BCAN: variants seen among roughly 807,000 people sequenced by gnomAD.
The protein encoded by BCAN is brevican core protein.
BCAN carries 51 observed loss-of-function variants against 92.4 expected under a neutral mutation model. That is an observed-to-expected ratio of 0.55 (90% CI 0.44 to 0.70). BCAN has a LOEUF of 0.70. Ranked by LOEUF, BCAN falls within the 30% of genes least tolerant of loss-of-function variation. The pLI is 0.00. For missense variants in BCAN, 1,140 were observed against 1,212.1 expected (o/e 0.94, Z 0.88); for synonymous variants, 501 against 505.2 (o/e 0.99, Z 0.11).
intron 2 of BCAN, 78 bp from the exon 3 acceptor site, chr1:156,646,723 G>C: frequency 1.3e-6 from 2 of 1,498,724 alleles, no homozygotes; most frequent in South Asian, 2.7e-5. Context: ...AGGGATCCTG[G>C]AGCGGGGCTT....
At chr1:156,648,976 T>G (rs4661209) in intron 6 of BCAN, 115 bp downstream of exon 6, 602,733 of 1,242,894 alleles carry the variant, frequency 0.48, 152,685 homozygotes, top group African/African-American at 0.83. Context: ...TTGCCTGAAG[T>G]GGTCGTGGGT....
At position 156,658,173 on chromosome 1, in the gene BCAN, C is replaced by G; in HGVS notation, c.2339C>G (p.Ser780Cys). The G allele has an allele frequency of 6.2e-7, 1 of 1,614,114 alleles. No homozygotes were observed. Among genetic ancestry groups the G allele is most frequent in the Non-Finnish European group, 8.5e-7 (1 of 1,180,008 alleles). ...GGGCAGCCTGACAGCTACTTCCTGT[C>G]TGGAGAGAACTGCGTGGTCATGGTG... ...NPGQPDSYFL[S>C]GENCVVMVWH... Residue 780 changes from serine to cysteine, a missense_variant, in exon 12 of 14, where the codon TCT becomes TGT. By Grantham distance (112) the Ser-to-Cys change is moderately radical. Coordinates refer to ENST00000329117, the MANE Select transcript of BCAN (RefSeq NM_021948.5). This position sits in a 1 kb window ranked among gnomAD's most constrained non-coding sequence, Gnocchi z 4.4.
intron 1 of BCAN, among the ~76,000 whole-genome samples, chr1:156,645,040 T>A (rs1678914009): frequency 6.6e-6 from 1 of 152,216 alleles, no homozygotes; most frequent in Non-Finnish European, 1.5e-5. Context: ...TGAGCCTCAG[T>A]CTCCATTTCT....
Position 156,652,924 on chromosome 1 carries a change from T to C in BCAN, c.1942+32T>C, listed in dbSNP as rs769116735. 8.7e-6 allele frequency: 14 copies of C among 1,609,388 alleles called. No individual in the cohort carries two copies. The Admixed American group carries it at 2.3e-4, about 27-fold the overall frequency. Reference sequence around the variant, plus strand: ...CTGCCCAAGGCTCAACTGCCCTCTCTATCCTACTCCTTTTCTTCCCCCTGC... The same window carrying C: ...CTGCCCAAGGCTCAACTGCCCTCTCCATCCTACTCCTTTTCTTCCCCCTGC... On this transcript the variant is annotated intron_variant, in intron 8 of 13. Coordinates refer to ENST00000329117, the MANE Select transcript of BCAN (RefSeq NM_021948.5).
At chr1:156,656,813 C>A (rs1308989459) in intron 9 of BCAN, 125 bp from the exon 10 acceptor site, 2 of 1,334,712 alleles carry the variant, frequency 1.5e-6, no homozygotes, top group East Asian at 2.5e-5. Flanking sequence ...TCTTTTGCAC[C>A]GCCCTCCTGT....
rs1198916516 is a variant in BCAN at position 156,652,625 on chromosome 1, C to T, written c.1675C>T (p.Leu559=). The change falls in exon 8 of 14, where the codon CTG becomes TTG. Residue 559 remains leucine, a synonymous_variant. Coordinates refer to ENST00000329117, the MANE Select transcript of BCAN (RefSeq NM_021948.5). Reference sequence around the variant, plus strand: ...CCTAGCATCCCCATCACCTTCCACTCTGGTTGAGGCAAGAGAGGTGGGGGA... The same window carrying T: ...CCTAGCATCCCCATCACCTTCCACTTTGGTTGAGGCAAGAGAGGTGGGGGA... ...RNLASPSPST[L]VEAREVGEAT... 1 of 1,613,858 alleles carries T rather than the reference C, an allele frequency of 6.2e-7. No homozygotes were observed. Among genetic ancestry groups the T allele is most frequent in the African/African-American group, 1.3e-5 (1 of 74,936 alleles).
At position 156,648,587 on chromosome 1, in the gene BCAN, C is replaced by A; in HGVS notation, c.789C>A (p.Asp263Glu). The A allele has an allele frequency of 1.3e-6, 2 of 1,595,900 alleles. No individual in the cohort carries two copies. The highest frequency in any genetic ancestry group is 8.6e-7 in the Non-Finnish European group (1 of 1,165,210). ...ACCCAGGAGAACTGTTCCTGGGTGA[C>A]CCTCCAGAGAAGCTGACATTGGAGG... ...EDLNGELFLG[D>E]PPEKLTLEEA... Residue 263 changes from aspartate (D) to glutamate (E), a missense_variant, in exon 6 of 14, where the codon GAC becomes GAA. By Grantham distance (45) the Asp-to-Glu change is conservative. Around this residue, in one of 3 missense-constraint regions of BCAN, gnomAD observed 825 missense variants for 871.8 expected, o/e 0.95. Transcript: ENST00000329117.
chr1:156,645,002 G>C (rs1173464916), intron 1 of BCAN: 2 of 152,226 alleles, frequency 1.3e-5, no homozygotes, highest in African/African-American at 2.4e-5. Flanking sequence ...GGCTTTACTA[G>C]GGATCCAGGG....
chr1:156,652,184 C>CT (rs1679185657), intron 7 of BCAN, 64 bp from the exon 8 acceptor site: 1 of 1,524,574 alleles, frequency 6.6e-7, no homozygotes, highest in Non-Finnish European at 8.8e-7. Flanking sequence ...CTCCCCTTCC[C>CT]TTTTTCCTTT....
chr1:156,646,738 G>A, intron 2 of BCAN, 63 bp from the exon 3 acceptor site: 3 of 1,503,588 alleles, frequency 2.0e-6, no homozygotes, highest in Non-Finnish European at 2.7e-6. Flanking sequence ...GGGCTTGGAG[G>A]CCACCGGGTG....
At position 156,652,322 on chromosome 1, in the gene BCAN, A is replaced by G; in HGVS notation, c.1372A>G (p.Lys458Glu). The G allele has an allele frequency of 6.2e-7, 1 of 1,613,920 alleles. No individual in the cohort carries two copies. The highest frequency in any genetic ancestry group is 1.1e-5 in the South Asian group (1 of 91,054). ...AGGTAAGGCATTGGAGGAAGAAGAG[A>G]AATATGAAGATGAAGAAGAGAAAGA... ...EEGKALEEEE[K>E]YEDEEEKEEE... Residue 458 changes from lysine to glutamate, a missense_variant, in exon 8 of 14, where the codon AAA (lysine) becomes GAA (glutamate). Around this residue, in one of 3 missense-constraint regions of BCAN, gnomAD observed 825 missense variants for 871.8 expected, o/e 0.95. Transcript: ENST00000329117.
rs376015311 is a variant in BCAN at position 156,647,715 on chromosome 1, G to C, written c.641+33G>C. 14 of 1,555,826 alleles carry C rather than the reference G, an allele frequency of 9.0e-6. No homozygotes were observed. The highest frequency in any genetic ancestry group is 1.8e-4 in the Middle Eastern group (1 of 5,584). ...GGGGCTGTGGATTGGGGCTTCTATTGGCCCCTGAGGTGGCCATGGCCCCCC... is the reference window on the plus strand; with the variant it reads ...GGGGCTGTGGATTGGGGCTTCTATTCGCCCCTGAGGTGGCCATGGCCCCCC... On this transcript the variant is annotated intron_variant, in intron 4 of 13. Transcript: ENST00000329117. This position sits in a 1 kb window ranked among gnomAD's most constrained non-coding sequence, Gnocchi z 4.8.
At position 156,646,382 on chromosome 1, in the gene BCAN, G is replaced by A. The variant is rs373756550; in HGVS notation, c.91+237G>A. 1.2e-4 allele frequency: 61 copies of A among 518,242 alleles called. No homozygotes were observed. In the South Asian group the frequency reaches 2.0e-3, roughly 17 times the overall value. 32.1% of individuals were successfully genotyped at this position (518,242 alleles called of 1,614,324 possible). ...TGGGCCCCTAAGGTGGAGGATAGGG[G>A]ATCCTGAAGCTAGGAGGTGGGAAAG... On this transcript the variant is annotated intron_variant, in intron 2 of 13. Coordinates refer to ENST00000329117, the MANE Select transcript of BCAN (RefSeq NM_021948.5).
At chr1:156,650,371 C>T (rs1375629690) in intron 6 of BCAN, among the ~76,000 whole-genome samples, 1 of 152,136 alleles carries the variant, frequency 6.6e-6, no homozygotes, top group Non-Finnish European at 1.5e-5. Context: ...AGGGCAGGGA[C>T]TCACTGTCCT....
At position 156,652,884 on chromosome 1, in the gene BCAN, C is replaced by T. The variant is rs1306535611; in HGVS notation, c.1934C>T (p.Pro645Leu). 1.2e-6 allele frequency: 2 copies of T among 1,613,600 alleles called. No homozygotes were observed. The highest frequency in any genetic ancestry group is 1.7e-6 in the Non-Finnish European group (2 of 1,179,990). The change falls in exon 8 of 14, where the codon CCC (proline) becomes CTC (leucine). Residue 645 changes from proline to leucine, a missense_variant. This residue lies in a region of BCAN where 825 missense variants were observed against 871.8 expected (regional missense o/e 0.95). Transcript: ENST00000329117. ...AGCCGAGGTGGAGTGGCCGTGGTCC[C>T]CGCATCAGGTAATTCTGCCCAAGGC... ...SASRGGVAVV[P>L]ASGDCVPSPC... is the part of the protein sequence containing the mutation.
intron 1 of BCAN, among the ~76,000 whole-genome samples, chr1:156,645,180 C>T (rs1678920962): frequency 2.6e-5 from 4 of 152,138 alleles, no homozygotes; most frequent in African/African-American, 9.7e-5. Context: ...TCTCCCCCCC[C>T]TTAGTCCACC....
chr1:156,652,202 T>G (rs759508386), intron 7 of BCAN, 46 bp from the exon 8 acceptor site: 1 of 1,538,320 alleles, frequency 6.5e-7, no homozygotes, highest in Admixed American at 2.1e-5. Flanking sequence ...TTTCGGTCCT[T>G]GGACAGACGC....
At position 156,658,500 on chromosome 1, in the gene BCAN, AC is replaced by A. The variant is rs1274803279; in HGVS notation, c.2438-40del. The A allele has an allele frequency of 3.2e-6, 5 of 1,586,294 alleles. No homozygotes were observed. In the African/African-American group the frequency reaches 6.7e-5, roughly 21 times the overall value. ...CCCCATGGAGATTCTGGGAACTGTC[AC>A]CCACAGAGCCAGGCTCAGTTCCTAA... On this transcript the variant is annotated intron_variant, in intron 12 of 13. Transcript: ENST00000329117. This position sits in a 1 kb window ranked among gnomAD's most constrained non-coding sequence, Gnocchi z 4.4.
At chr1:156,646,008 A>C (rs537583533) in intron 1 of BCAN, 39 bp from the exon 2 acceptor site, 1 of 1,563,860 alleles carries the variant, frequency 6.4e-7, no homozygotes, top group South Asian at 1.1e-5. Flanking sequence ...TCCATCCTGA[A>C]GTCTAACCCC....
Sources: allele counts gnomAD v4.1 joint callset (sites outside exome capture counted in the v4.1 genomes callset), GRCh38; gene constraint gnomAD v4.1.1; regional missense constraint gnomAD v4.1.1; non-coding constraint Gnocchi (gnomAD v3.1); transcripts MANE v1.5; gene names NCBI Gene and HGNC (gene_info 2026-07-23, HGNC 2026-07-21).